Variants in MYO18B observed in about 807,000 individuals in gnomAD.
The protein encoded by MYO18B is myosin XVIIIB.
MYO18B carries 204 observed loss-of-function variants against 273.0 expected under a neutral mutation model. That is an observed-to-expected ratio of 0.75 (90% confidence interval 0.67 to 0.84). The LOEUF is 0.84. Among genes scored for constraint, MYO18B ranks in the 40% least tolerant of loss-of-function variants. MYO18B has a pLI of 0.00. For synonymous variants in MYO18B, 1,330 were observed against 1,305.7 expected (o/e 1.02, Z -0.40); for missense variants, 3,212 against 3,287.6 (o/e 0.98, Z 0.56).
chr22:25,962,484 A>T (rs1056605068), intron 39 of MYO18B, among the ~76,000 whole-genome samples: 6 of 152,232 alleles, frequency 3.9e-5, no homozygotes, highest in Non-Finnish European at 7.3e-5. Context: ...AAAAAAGTAC[A>T]TCTTAGAAAT....
chr22:25,831,370 T>G (rs2089700851), intron 15 of MYO18B, among the ~76,000 whole-genome samples: 1 of 152,160 alleles, frequency 6.6e-6, no homozygotes, highest in Non-Finnish European at 1.5e-5. Context: ...CCTGGACATT[T>G]CTAGTGATTT....
downstream of MYO18B, among the ~76,000 whole-genome samples, chr22:26,033,003 T>C (rs1432152824): frequency 6.6e-6 from 1 of 152,196 alleles, no homozygotes; most frequent in African/African-American, 2.4e-5. Flanking sequence ...ATGAATATTA[T>C]TATACAGAAT....
chr22:26,047,689 T>C, the MYO18B span, among the ~76,000 whole-genome samples: 1 of 152,108 alleles, frequency 6.6e-6, no homozygotes, highest in South Asian at 2.1e-4. Flanking sequence ...AAATGTAAAA[T>C]AAATCATATT....
intron 40 of MYO18B, among the ~76,000 whole-genome samples, chr22:26,001,639 A>C (rs953312148): frequency 9.8e-5 from 15 of 152,292 alleles, no homozygotes; most frequent in African/African-American, 3.4e-4. Flanking sequence ...GGGATAGGGA[A>C]CCCATTGATG....
chr22:25,968,312 C>T (rs1362414708), intron 39 of MYO18B, among the ~76,000 whole-genome samples: 1 of 152,126 alleles, frequency 6.6e-6, no homozygotes, highest in South Asian at 2.1e-4. Flanking sequence ...GTCAGCTCCA[C>T]CCTAGCCATA....
At chr22:25,875,647 G>T (rs1046903067) in intron 23 of MYO18B, among the ~76,000 whole-genome samples, 1 of 152,220 alleles carries the variant, frequency 6.6e-6, no homozygotes, top group Non-Finnish European at 1.5e-5. Flanking sequence ...AGCACCTTTG[G>T]GGGTGGTGTC....
chr22:25,758,405 T>A (rs1340206727), intron 1 of MYO18B, among the ~76,000 whole-genome samples: 1 of 150,618 alleles, frequency 6.6e-6, no homozygotes, highest in African/African-American at 2.4e-5. Flanking sequence ...TGTAGCGACA[T>A]TATTCGTAGT....
In MYO18B at chr22:25,891,431, T is replaced by C. The variant is rs745432677; in HGVS notation, c.4543+19T>C. On this transcript the variant is annotated intron_variant, in intron 27 of 43. Transcript: ENST00000335473. ...GGAGGAGGTGAGCAGCCTGGGACCC[T>C]TGGGGCTGGAAGGTGATGGACAAAG... 96 of 1,491,878 alleles carry C rather than the reference T, an allele frequency of 6.4e-5. No individual in the cohort carries two copies. Among genetic ancestry groups the C allele is most frequent in the Non-Finnish European group, 7.5e-5 (82 of 1,088,676 alleles). The allele number at this position is 1,491,878 out of a possible 1,614,324, so 92.4% of individuals were successfully genotyped here.
chr22:26,058,283 G>A, the MYO18B span, among the ~76,000 whole-genome samples: 1 of 152,168 alleles, frequency 6.6e-6, no homozygotes, highest in Admixed American at 6.5e-5. Flanking sequence ...CAACCAGGAT[G>A]AGAGTAGGGA....
chr22:26,034,639 G>T (rs1464185110), downstream of MYO18B, among the ~76,000 whole-genome samples: 4 of 152,212 alleles, frequency 2.6e-5, no homozygotes, highest in East Asian at 7.7e-4. Flanking sequence ...CAAAGGTGAG[G>T]ATGTTGGTGG....
downstream of MYO18B, among the ~76,000 whole-genome samples, chr22:26,031,752 G>T (rs1389991417): frequency 6.6e-6 from 1 of 152,180 alleles, no homozygotes; most frequent in Non-Finnish European, 1.5e-5. Flanking sequence ...GGAGGATGGG[G>T]CAGGAGGGAA....
At chr22:25,792,497 C>CT (rs58679561) in intron 11 of MYO18B, among the ~76,000 whole-genome samples, 27,690 of 107,708 alleles carry the variant, frequency 0.26, 4,668 homozygotes, top group Middle Eastern at 0.43. Context: ...TTTTTCTTTT[C>CT]TTTTTTTTTT....
chr22:25,871,764 G>A (rs568516759), intron 22 of MYO18B, among the ~76,000 whole-genome samples: 3 of 152,066 alleles, frequency 2.0e-5, no homozygotes, highest in South Asian at 2.1e-4. Flanking sequence ...CCTTCTGGTC[G>A]GCAATATGCT....
At chr22:26,017,785 A>G (rs1319149703) in intron 42 of MYO18B, among the ~76,000 whole-genome samples, 1 of 152,198 alleles carries the variant, frequency 6.6e-6, no homozygotes, top group Non-Finnish European at 1.5e-5. Context: ...AAGAAAAATA[A>G]TAGACTTTTT....
the MYO18B span, among the ~76,000 whole-genome samples, chr22:26,056,306 T>C: frequency 5.1e-3 from 776 of 152,236 alleles, 5 homozygotes; most frequent in African/African-American, 0.016. Context: ...TATCCATGAA[T>C]TATAGGTGCT....
At chr22:25,974,215 G>A (rs536138997) in intron 39 of MYO18B, among the ~76,000 whole-genome samples, 1 of 152,106 alleles carries the variant, frequency 6.6e-6, no homozygotes, top group Non-Finnish European at 1.5e-5. Context: ...AAATCTCAGC[G>A]TTTGGAATGA....
intron 42 of MYO18B, among the ~76,000 whole-genome samples, chr22:26,025,275 A>G (rs1936152760): frequency 6.6e-6 from 1 of 152,160 alleles, no homozygotes; most frequent in South Asian, 2.1e-4. Context: ...CCCAGATTCA[A>G]AAGCCCATTG....
intron 11 of MYO18B, among the ~76,000 whole-genome samples, chr22:25,790,215 G>T (rs1279680244): frequency 1.3e-5 from 2 of 152,254 alleles, no homozygotes; most frequent in Non-Finnish European, 2.9e-5. Flanking sequence ...TGGAGGGGAC[G>T]TGGTTCACCG....
intron 12 of MYO18B, among the ~76,000 whole-genome samples, chr22:25,804,235 C>G (rs576541247): frequency 2.0e-5 from 3 of 152,236 alleles, no homozygotes; most frequent in South Asian, 2.1e-4. Flanking sequence ...CAGAGTGGCC[C>G]TTTTCACACA....
Sources: gnomAD v4.1 joint callset for allele counts (sites outside exome capture counted in the v4.1 genomes callset) on GRCh38, gnomAD v4.1.1 for gene constraint, MANE v1.5 for transcripts, NCBI Gene and HGNC (gene_info 2026-07-23, HGNC 2026-07-21) for gene names.